The following UBA52 variants were observed in gnomAD, a reference collection of about 807,000 sequenced individuals.
The protein encoded by UBA52 is ubiquitin-ribosomal protein eL40 fusion protein.
UBA52 carries 1 observed loss-of-function variant against 15.3 expected under a neutral mutation model. The ratio of observed to expected loss-of-function variants is 0.07; its 90% confidence interval spans 0.02 to 0.31. UBA52 has a LOEUF of 0.31. Ranked by LOEUF, UBA52 falls within the 10% of genes least tolerant of loss-of-function variation. The pLI, the probability that UBA52 is intolerant of heterozygous loss-of-function variation, is 1.00. For missense variants in UBA52, 87 were observed against 168.0 expected, an observed-to-expected ratio of 0.52 and a Z score of 2.66; for synonymous variants, 50 against 58.3, an observed-to-expected ratio of 0.86 and a Z score of 0.65.
In UBA52 at chr19:18,576,539, C is replaced by CT. The variant is rs1291139098; in HGVS notation, c.*1390dup. The CT allele has an allele frequency of 6.6e-6, 1 of 152,056 alleles. No homozygotes were observed. The highest frequency in any genetic ancestry group is 1.5e-5 in the Non-Finnish European group (1 of 68,042). The allele number at this position is 152,056 out of a possible 1,614,324, so 9.4% of individuals were successfully genotyped here. On this transcript the variant is annotated 3_prime_UTR_variant, in exon 5 of 5. Transcript: ENST00000442744. ...GCCTCAGCCTCCCGAGTAGCTGGGA[C>CT]TGCATGCTTGTGCCACCACACTCGG...
upstream of UBA52, among the ~76,000 whole-genome samples, chr19:18,570,893 G>C (rs1975456549): frequency 6.6e-6 from 1 of 151,214 alleles, no homozygotes; most frequent in African/African-American, 2.4e-5. Flanking sequence ...CTCCATGTTG[G>C]TCAGGCTCGT....
upstream of UBA52, among the ~76,000 whole-genome samples, chr19:18,570,152 C>G (rs576523627): frequency 6.6e-6 from 1 of 152,124 alleles, no homozygotes; most frequent in Non-Finnish European, 1.5e-5. Flanking sequence ...CCCTGTTAAG[C>G]CTATAGGTAA....
At chr19:18,573,529 C>T (rs1975614986) in intron 2 of UBA52, 126 bp downstream of exon 2, 2 of 1,295,056 alleles carry the variant, frequency 1.5e-6, no homozygotes, top group Non-Finnish European at 1.1e-6. Context: ...TCCATGTGAT[C>T]TGAAGAACGT....
upstream of UBA52, among the ~76,000 whole-genome samples, chr19:18,570,778 C>T (rs1267302097): frequency 1.3e-5 from 2 of 151,736 alleles, no homozygotes; most frequent in Non-Finnish European, 2.9e-5. Flanking sequence ...ACCTCTGCCT[C>T]CCGGGTTCAA....
rs1158456293 is a variant in UBA52, at chr19:18,573,274, G to A, written c.-8-19G>A. ...CATGCATTGCTCACCAGTCTATCCT[G>A]CCTCCCTTCCTCCTGCAGACGCAAA... On this transcript the variant is annotated intron_variant, in intron 1 of 4. Transcript: ENST00000442744. 4 of 1,611,372 alleles carry A rather than the reference G, an allele frequency of 2.5e-6. No individual in the cohort carries two copies. The African/African-American group carries it at 4.0e-5, about 16-fold the overall frequency.
At chr19:18,571,409 GC>G (rs1447021911), upstream of UBA52, among the ~76,000 whole-genome samples, 1 of 151,710 alleles carries the variant, frequency 6.6e-6, no homozygotes, top group Non-Finnish European at 1.5e-5. Flanking sequence ...TGCTCTCCCT[GC>G]TGCTGTCCTG....
At position 18,575,323 on chromosome 19, in the gene UBA52, T is replaced by A; in HGVS notation, c.*173T>A. 1 of 691,790 alleles carries A rather than the reference T, an allele frequency of 1.4e-6. No individual in the cohort carries two copies. Among genetic ancestry groups the A allele is most frequent in the Non-Finnish European group, 2.4e-6 (1 of 413,200 alleles). 42.9% of individuals were successfully genotyped at this position (691,790 alleles called of 1,614,324 possible). On this transcript the variant is annotated 3_prime_UTR_variant, in exon 5 of 5. Transcript: ENST00000442744. ...TTAGGGACTCTACTCAGCACTCCAT[T>A]CTGTGCCACCTGTGGGGTCTTCTGT...
At chr19:18,567,417 TA>T, upstream of UBA52, 1 of 667,390 alleles carries the variant, frequency 1.5e-6, no homozygotes, top group East Asian at 2.7e-5. Context: ...AGAATGTGGA[TA>T]AGCAGCATGA....
upstream of UBA52, among the ~76,000 whole-genome samples, chr19:18,567,875 T>C (rs1224039184): frequency 6.6e-6 from 1 of 152,198 alleles, no homozygotes; most frequent in Non-Finnish European, 1.5e-5. Flanking sequence ...TCAGGGCTCC[T>C]GTAGGCCTAA....
Position 18,575,307 on chromosome 19 carries a change from C to T in UBA52, c.*157C>T, listed in dbSNP as rs1458130364. 2.6e-6 allele frequency: 2 copies of T among 766,750 alleles called. No individual in the cohort carries two copies. The highest frequency in any genetic ancestry group is 2.1e-6 in the Non-Finnish European group (1 of 475,600). 47.5% of individuals were successfully genotyped at this position (766,750 alleles called of 1,614,324 possible). A position where few individuals can be genotyped will look rare whatever the true frequency, so the allele number is the denominator to read the frequency against. The stretch of plus-strand genomic sequence containing the variant: ...AGAGTGGGCATCTCCCTTAGGGACT[C>T]TACTCAGCACTCCATTCTGTGCCAC... On this transcript the variant is annotated 3_prime_UTR_variant, in exon 5 of 5. Coordinates refer to ENST00000442744, the MANE Select transcript of UBA52 (RefSeq NM_001033930.3).
In UBA52 at chr19:18,571,862, T is replaced by C. The variant is rs41292105; in HGVS notation, c.-56T>C. 1,700 of 152,800 alleles carry C rather than the reference T, an allele frequency of 0.011. 35 individuals carry two copies. Among genetic ancestry groups the C allele is most frequent in the African/African-American group, 0.036 (1,501 of 41,598 alleles). The allele number at this position is 152,800 out of a possible 1,614,324, so 9.5% of individuals were successfully genotyped here. Reference sequence around the variant, plus strand: ...GTGGTTTCCGGTTCCGCTATCTTCTTTTTCTTCAGCGAGGCGGCCGAGCTG... The same window carrying C: ...GTGGTTTCCGGTTCCGCTATCTTCTCTTTCTTCAGCGAGGCGGCCGAGCTG... On this transcript the variant is annotated 5_prime_UTR_variant, in exon 1 of 5. Coordinates refer to ENST00000442744, the MANE Select transcript of UBA52 (RefSeq NM_001033930.3).
chr19:18,573,719 G>C lies in UBA52; in HGVS notation c.161G>C (p.Arg54Pro), dbSNP rs1241909870. 1 of 1,614,008 alleles carries C rather than the reference G, an allele frequency of 6.2e-7. No individual in the cohort carries two copies. Among genetic ancestry groups the C allele is most frequent in the Non-Finnish European group, 8.5e-7 (1 of 1,180,026 alleles). Residue 54 changes from arginine (R) to proline (P), a missense_variant, in exon 3 of 5, where the codon CGC (arginine) becomes CCC (proline). By Grantham distance (103) the Arg-to-Pro change is moderately radical. Coordinates refer to ENST00000442744, the MANE Select transcript of UBA52 (RefSeq NM_001033930.3). ...IFAGKQLEDG[R>P]TLSDYNIQKE... ...GCCGGCAAACAGCTGGAGGATGGCC[G>C]CACTCTCTCAGACTACAACATCCAG...
intron 3 of UBA52, 141 bp downstream of exon 3, chr19:18,573,889 G>A: frequency 1.3e-6 from 1 of 798,672 alleles, no homozygotes; most frequent in Non-Finnish European, 1.9e-6. Flanking sequence ...AGTGGCTCAT[G>A]CCTGTAATCC....
intron 3 of UBA52, 33 bp downstream of exon 3, chr19:18,573,781 A>C (rs781300578): frequency 1.2e-6 from 2 of 1,601,276 alleles, no homozygotes; most frequent in Non-Finnish European, 1.7e-6. Flanking sequence ...GCAGGGACCC[A>C]AGATCCCCAG....
chr19:18,568,076 T>A (rs992145291), upstream of UBA52, among the ~76,000 whole-genome samples: 4 of 152,110 alleles, frequency 2.6e-5, no homozygotes, highest in Non-Finnish European at 5.9e-5. Flanking sequence ...GATACCAGCC[T>A]GACCAACATA....
At chr19:18,568,393 T>G (rs1975367460), upstream of UBA52, 2 of 1,608,192 alleles carry the variant, frequency 1.2e-6, no homozygotes, top group Admixed American at 3.3e-5. Context: ...TTGGGCCTCC[T>G]TCCCCCAGAT....
chr19:18,564,032 G>A, the UBA52 span, among the ~76,000 whole-genome samples: 4 of 151,940 alleles, frequency 2.6e-5, no homozygotes, highest in Admixed American at 6.6e-5. Flanking sequence ...GATTACAGGC[G>A]CCCGCCACCA....
In UBA52 at chr19:18,576,975, ATTTTTTTTTTTT is replaced by A. The variant is rs773902580; in HGVS notation, c.*1837_*1848del. The A allele has an allele frequency of 8.8e-6, 1 of 113,060 alleles. No individual in the cohort carries two copies. Among genetic ancestry groups the A allele is most frequent in the Non-Finnish European group, 1.8e-5 (1 of 56,918 alleles). 7.0% of individuals were successfully genotyped at this position (113,060 alleles called of 1,614,324 possible). A position where few individuals can be genotyped will look rare whatever the true frequency, so the allele number is the denominator to read the frequency against. ...AAGCCACAGCGCCTGGCCTTGCTACATTTTTTTTTTTTTTTTTTTTTTTACAGACATGGTCTC... is the reference window on the plus strand; with the variant it reads ...AAGCCACAGCGCCTGGCCTTGCTACATTTTTTTTTTTACAGACATGGTCTC... On this transcript the variant is annotated 3_prime_UTR_variant, in exon 5 of 5. Coordinates refer to ENST00000442744, the MANE Select transcript of UBA52 (RefSeq NM_001033930.3).
upstream of UBA52, chr19:18,568,784 T>C: frequency 1.6e-6 from 1 of 613,952 alleles, no homozygotes; most frequent in Non-Finnish European, 2.9e-6. Flanking sequence ...CCGAGGGGTG[T>C]GGAATTCCTG....
Sources: gnomAD v4.1 joint callset for allele counts (sites outside exome capture counted in the v4.1 genomes callset) on GRCh38, gnomAD v4.1.1 for gene constraint, MANE v1.5 for transcripts, NCBI Gene and HGNC (gene_info 2026-07-23, HGNC 2026-07-21) for gene names.